SERINC4: variants seen among roughly 807,000 people sequenced by gnomAD.
SERINC4 encodes serine incorporator 4.
In SERINC4, 52 loss-of-function variants were observed where a neutral mutation model predicts 52.0. The observed-to-expected ratio is 1.00, with a 90% CI of 0.80 to 1.26. SERINC4 has a LOEUF of 1.26. Among genes scored for constraint, SERINC4 ranks in the 50% most tolerant of loss-of-function variants. The probability of loss-of-function intolerance (pLI) is 0.00; values close to 1 mark genes in which losing one functional copy is unlikely to be tolerated. For missense variants in SERINC4, 723 were observed against 632.8 expected (o/e 1.14, Z -1.53); for synonymous variants, 264 against 247.7 (o/e 1.07, Z -0.62).
At chr15:43,795,667 G>C (rs1357227963) in intron 10 of SERINC4, 21 bp downstream of exon 10, 2 of 1,613,496 alleles carry the variant, frequency 1.2e-6, no homozygotes, top group African/African-American at 2.7e-5. Flanking sequence ...CACTTCTTAT[G>C]GTTCCTCACT....
At chr15:43,795,350 G>C (rs760370133) in intron 11 of SERINC4, 38 bp downstream of exon 11, 29 of 1,610,046 alleles carry the variant, frequency 1.8e-5, no homozygotes, top group Non-Finnish European at 2.4e-5. Context: ...AAAATAGCTA[G>C]CTCTTCAGGA....
Position 43,796,871 on chromosome 15 carries a change from G to T in SERINC4, c.914C>A (p.Ala305Glu), listed in dbSNP as rs1348271691. The change falls in exon 7 of 12, where the codon GCA becomes GAA. Residue 305 changes from alanine to glutamate, a missense_variant. Transcript: ENST00000319327. ...TCTCTCTGGAGGACGGCTGGACAGT[G>T]CAGAGAAAGTCAGATACATGATATA... Reference protein sequence around the residue: ...SCYIMYLTFSALSSRPPERVI... With the variant: ...SCYIMYLTFSELSSRPPERVI... 6.2e-7 allele frequency: 1 copy of T among 1,614,110 alleles called. No individual in the cohort carries two copies. Among genetic ancestry groups the T allele is most frequent in the Non-Finnish European group, 8.5e-7 (1 of 1,179,958 alleles).
chr15:43,798,289 T>C, intron 4 of SERINC4, 136 bp downstream of exon 4: 1 of 737,346 alleles, frequency 1.4e-6, no homozygotes, highest in South Asian at 1.5e-5. Flanking sequence ...GACCTCGTGA[T>C]CCGCCCGCCT....
chr15:43,797,105 A>C, intron 6 of SERINC4, 40 bp downstream of exon 6: 1 of 1,526,900 alleles, frequency 6.5e-7, no homozygotes, highest in Non-Finnish European at 8.9e-7. Context: ...TATGCTTTTA[A>C]GGCCCCCAAA....
In SERINC4 at chr15:43,796,775, A is replaced by G. The variant is rs773253132; in HGVS notation, c.941-33T>C. On this transcript the variant is annotated intron_variant, in intron 7 of 11. Transcript: ENST00000319327. ...GGGACAACAGAAGAGATGGGTATTA[A>G]CAATGAGCTAGGTATTTGGCAGGGG... is the stretch of plus-strand genomic sequence containing the variant. 4 of 1,614,158 alleles carry G rather than the reference A, an allele frequency of 2.5e-6. No homozygotes were observed. In the South Asian group the frequency reaches 4.4e-5, roughly 18 times the overall value.
chr15:43,799,872 C>A lies in SERINC4; in HGVS notation c.102+13G>T. The A allele has an allele frequency of 6.5e-7, 1 of 1,533,530 alleles. No homozygotes were observed. Among genetic ancestry groups the A allele is most frequent in the Non-Finnish European group, 8.8e-7 (1 of 1,136,088 alleles). 95.0% of individuals were successfully genotyped at this position (1,533,530 alleles called of 1,614,324 possible). A position where few individuals can be genotyped will look rare whatever the true frequency, so the allele number is the denominator to read the frequency against. On this transcript the variant is annotated intron_variant, in intron 1 of 11. Coordinates refer to ENST00000319327, the MANE Select transcript of SERINC4 (RefSeq NM_001258031.2). Reference sequence around the variant, plus strand: ...CCCCAGCTTCGGCCACTCTCCCCTTCGCACCCTCTCACCTGACAGAAGGGA... The same window carrying A: ...CCCCAGCTTCGGCCACTCTCCCCTTAGCACCCTCTCACCTGACAGAAGGGA...
At position 43,799,443 on chromosome 15, in the gene SERINC4, G is replaced by GA. The variant is rs1567172726; in HGVS notation, c.145dup (p.Ser49PhefsTer2). ...GGATGCGGTGAGAGAGGGCCACCTAGAGTGGCAGCAGCTGGCACAAGGAGC... is the reference window on the plus strand; with the variant it reads ...GGATGCGGTGAGAGAGGGCCACCTAGAAGTGGCAGCAGCTGGCACAAGGAGC... On this transcript the variant is annotated frameshift_variant, in exon 2 of 12. Coordinates refer to ENST00000319327, the MANE Select transcript of SERINC4 (RefSeq NM_001258031.2). LOFTEE classifies it high-confidence loss of function. The GA allele has an allele frequency of 1.9e-6, 3 of 1,550,630 alleles. No homozygotes were observed. Among genetic ancestry groups the GA allele is most frequent in the Non-Finnish European group, 1.7e-6 (2 of 1,146,956 alleles).
Position 43,800,054 on chromosome 15 carries a change from C to T in SERINC4, c.-68G>A. 8.1e-7 allele frequency: 1 copy of T among 1,229,136 alleles called. No individual in the cohort carries two copies. Among genetic ancestry groups the T allele is most frequent in the Non-Finnish European group, 1.1e-6 (1 of 903,358 alleles). 76.1% of individuals were successfully genotyped at this position (1,229,136 alleles called of 1,614,324 possible). On this transcript the variant is annotated 5_prime_UTR_variant, in exon 1 of 12. Transcript: ENST00000319327. ...AGATGAGAGCAGCAGTTGCTTCTGT[C>T]CTCAGCCCATTGGACTGCCACTGTG...
chr15:43,798,656 T>C (rs654276), intron 3 of SERINC4, 152 bp from the exon 4 acceptor site: 550,289 of 657,158 alleles, frequency 0.84, 231,552 homozygotes, highest in East Asian at 1. Flanking sequence ...TGAGAGGGGG[T>C]TGGGACAGGC....
rs1204292874 is a variant in SERINC4 at position 43,795,091 on chromosome 15, CAG to C, written c.1464_1465del (p.Cys489LeufsTer24). On this transcript the variant is annotated frameshift_variant, in exon 12 of 12. Transcript: ENST00000319327. LOFTEE classifies it low-confidence loss of function (END_TRUNC). ...CTGGGGTTTCTGGGTGGGGGGCCAACAGAGTGGTGCCAGTAACAGCCCCAGAT... is the reference window on the plus strand; with the variant it reads ...CTGGGGTTTCTGGGTGGGGGGCCAACAGTGGTGCCAGTAACAGCCCCAGAT... 2 of 1,613,738 alleles carry C rather than the reference CAG, an allele frequency of 1.2e-6. No individual in the cohort carries two copies. The highest frequency in any genetic ancestry group is 1.7e-6 in the Non-Finnish European group (2 of 1,180,008).
rs958257273 is a variant in SERINC4 at position 43,797,363 on chromosome 15, G to C, written c.633-7C>G. ...TTGAGCTGCACCTGTCTGCCTAAGG[G>C]TGGAAAGTGGGCAATGGCTTGGAGC... is the stretch of plus-strand genomic sequence containing the variant. On this transcript the variant is annotated splice_region_variant and splice_polypyrimidine_tract_variant and intron_variant, in intron 5 of 11. Transcript: ENST00000319327. 34 of 1,545,986 alleles carry C rather than the reference G, an allele frequency of 2.2e-5. No homozygotes were observed. The East Asian group carries it at 8.3e-4, about 38-fold the overall frequency.
chr15:43,800,035 G>A lies in SERINC4; in HGVS notation c.-49C>T, dbSNP rs189916294. On this transcript the variant is annotated 5_prime_UTR_variant, in exon 1 of 12. Transcript: ENST00000319327. ...GGTCCACCAGATGGAAGGCAGATGA[G>A]AGCAGCAGTTGCTTCTGTCCTCAGC... 18 of 1,354,116 alleles carry A rather than the reference G, an allele frequency of 1.3e-5. No homozygotes were observed. The highest frequency in any genetic ancestry group is 1.2e-4 in the African/African-American group (8 of 68,514). 83.9% of individuals were successfully genotyped at this position (1,354,116 alleles called of 1,614,324 possible). A position where few individuals can be genotyped will look rare whatever the true frequency, so the allele number is the denominator to read the frequency against.
At chr15:43,795,335 T>C (rs775546000) in intron 11 of SERINC4, 53 bp downstream of exon 11, 3 of 1,608,878 alleles carry the variant, frequency 1.9e-6, no homozygotes, top group African/African-American at 1.3e-5. Context: ...AATTGCTCTT[T>C]CCTTAAAATA....
intron 5 of SERINC4, chr15:43,797,565 A>T (rs2141693126): frequency 1.8e-6 from 1 of 550,714 alleles, no homozygotes; most frequent in East Asian, 3.2e-5. Flanking sequence ...GCTAACTTTT[A>T]TATTTTTACT....
chr15:43,797,055 T>A, intron 6 of SERINC4, 90 bp downstream of exon 6: 1 of 1,455,190 alleles, frequency 6.9e-7, no homozygotes, highest in East Asian at 2.3e-5. Flanking sequence ...CAGAGATTCT[T>A]TTATCAAATA....
Position 43,795,491 on chromosome 15 carries a change from G to T in SERINC4, c.1240C>A (p.Pro414Thr), listed in dbSNP as rs776032811. Residue 414 changes from proline to threonine, a missense_variant, in exon 11 of 12, where the codon CCT (proline) becomes ACT (threonine). Physicochemically the swap from Pro to Thr is conservative, Grantham distance 38. Coordinates refer to ENST00000319327, the MANE Select transcript of SERINC4 (RefSeq NM_001258031.2). ...RPADQETPPAPPVQVQHLSYN... is the reference protein window; with the variant it reads ...RPADQETPPATPVQVQHLSYN... The stretch of plus-strand genomic sequence containing the variant: ...GAAAGATGCTGGACTTGGACTGGAG[G>T]AGCTGGAGGGGTTTCTTGGTCAGCT... 5.0e-6 allele frequency: 8 copies of T among 1,614,220 alleles called. No individual in the cohort carries two copies. In the Middle Eastern group the frequency reaches 5.0e-4, roughly 100 times the overall value.
At chr15:43,798,876 A>T (rs1187189390) in intron 3 of SERINC4, 83 bp downstream of exon 3, 1 of 1,344,628 alleles carries the variant, frequency 7.4e-7, no homozygotes, top group Admixed American at 2.0e-5. Flanking sequence ...CAGTGCTATT[A>T]CTTCATCCCG....
At chr15:43,798,187 T>C (rs971975745) in intron 4 of SERINC4, 174 bp from the exon 5 acceptor site, 68 of 618,600 alleles carry the variant, frequency 1.1e-4, no homozygotes, top group Admixed American at 3.2e-4. Flanking sequence ...GCAGCTGGGA[T>C]TACAGGTGCG....
intron 6 of SERINC4, 57 bp from the exon 7 acceptor site, chr15:43,796,997 C>G: frequency 6.6e-7 from 1 of 1,510,516 alleles, no homozygotes; most frequent in Non-Finnish European, 9.2e-7. Context: ...TCCATTTCTA[C>G]CCCCACTTGT....
Sources: allele counts gnomAD v4.1 joint callset, GRCh38; gene constraint gnomAD v4.1.1; transcripts MANE v1.5; gene names NCBI Gene and HGNC (gene_info 2026-07-23, HGNC 2026-07-21).